Variants in ZBTB5 observed in about 807,000 individuals in gnomAD.
ZBTB5 encodes zinc finger and BTB domain containing 5, also known as zinc finger and BTB domain-containing protein 5.
A neutral mutation model predicts 37.9 loss-of-function variants in ZBTB5; 15 were observed. The observed-to-expected ratio is 0.40, with a 90% CI of 0.26 to 0.61. The LOEUF is 0.61. Ranked by LOEUF, ZBTB5 falls within the 20% of genes least tolerant of loss-of-function variation. The pLI is 0.47. For missense variants in ZBTB5, 708 were observed against 856.8 expected (o/e 0.83, Z 2.17); for synonymous variants, 315 against 312.4 (o/e 1.01, Z -0.09).
intron 1 of ZBTB5, among the ~76,000 whole-genome samples, chr9:37,444,612 T>C (rs1247596093): frequency 6.6e-6 from 1 of 152,160 alleles, no homozygotes; most frequent in Non-Finnish European, 1.5e-5. Flanking sequence ...TAGGCTGACA[T>C]CAGGAATAAA....
chr9:37,460,539 G>T (rs1414489094), intron 1 of ZBTB5, among the ~76,000 whole-genome samples: 2 of 152,106 alleles, frequency 1.3e-5, no homozygotes, highest in East Asian at 3.9e-4. Flanking sequence ...GGTTAACATA[G>T]CAAAACCTTT....
rs1823831373 is a variant in ZBTB5 at position 37,440,180 on chromosome 9, A to G, written c.*338T>C. ...AAGGTATAGGAAATTTAAATGCTAC[A>G]CAGTTTTACAAAAATTGCTAAAAAA... On this transcript the variant is annotated 3_prime_UTR_variant, in exon 2 of 2. Coordinates refer to ENST00000307750, the MANE Select transcript of ZBTB5 (RefSeq NM_014872.3). 6.5e-6 allele frequency: 2 copies of G among 306,602 alleles called. No homozygotes were observed. The highest frequency in any genetic ancestry group is 7.5e-5 in the South Asian group (2 of 26,690). The allele number at this position is 306,602 out of a possible 1,614,324, so 19.0% of individuals were successfully genotyped here.
chr9:37,455,649 A>G (rs1824173600), intron 1 of ZBTB5, among the ~76,000 whole-genome samples: 1 of 151,784 alleles, frequency 6.6e-6, no homozygotes, highest in Non-Finnish European at 1.5e-5. Flanking sequence ...AAAGGGTTTT[A>G]GCAGTGGTGG....
intron 1 of ZBTB5, among the ~76,000 whole-genome samples, chr9:37,443,541 C>T (rs973589503): frequency 9.2e-5 from 14 of 152,152 alleles, no homozygotes; most frequent in African/African-American, 3.4e-4. Flanking sequence ...TTCCCAAAGG[C>T]CAAGGAACTG....
intron 1 of ZBTB5, among the ~76,000 whole-genome samples, chr9:37,443,944 A>G (rs1823930144): frequency 6.6e-6 from 1 of 150,530 alleles, no homozygotes; most frequent in Admixed American, 6.6e-5. Flanking sequence ...TTAGCCGAGC[A>G]TGGTGGCGTG....
At chr9:37,443,697 G>C (rs1456131931) in intron 1 of ZBTB5, among the ~76,000 whole-genome samples, 1 of 152,236 alleles carries the variant, frequency 6.6e-6, no homozygotes, top group Non-Finnish European at 1.5e-5. Flanking sequence ...TTTGGAGGCT[G>C]AGGTGGGAGG....
chr9:37,449,287 A>G (rs984904973), intron 1 of ZBTB5, among the ~76,000 whole-genome samples: 1 of 152,224 alleles, frequency 6.6e-6, no homozygotes, highest in African/African-American at 2.4e-5. Flanking sequence ...GTATTGTTTT[A>G]TATTTTGGCA....
chr9:37,462,340 C>T (rs1167611971), intron 1 of ZBTB5, among the ~76,000 whole-genome samples: 3 of 152,064 alleles, frequency 2.0e-5, no homozygotes, highest in Admixed American at 6.6e-5. Flanking sequence ...GACAGGGGCA[C>T]ATCCCCAGTG....
chr9:37,461,514 G>A (rs1588785602), intron 1 of ZBTB5, among the ~76,000 whole-genome samples: 1 of 152,322 alleles, frequency 6.6e-6, no homozygotes, highest in Non-Finnish European at 1.5e-5. Context: ...GATCACCTGA[G>A]GTCAGGAGTT....
intron 1 of ZBTB5, among the ~76,000 whole-genome samples, chr9:37,458,358 T>G (rs1225131154): frequency 6.6e-6 from 1 of 152,268 alleles, no homozygotes; most frequent in Non-Finnish European, 1.5e-5. Flanking sequence ...TCCTCCTGCA[T>G]TCTGAAATAC....
At chr9:37,459,334 C>T (rs540969376) in intron 1 of ZBTB5, among the ~76,000 whole-genome samples, 49 of 152,084 alleles carry the variant, frequency 3.2e-4, no homozygotes, top group African/African-American at 1.1e-3. Context: ...GTGACACATG[C>T]CTGTAATCCC....
chr9:37,450,820 A>G (rs309445), intron 1 of ZBTB5, among the ~76,000 whole-genome samples: 129,793 of 151,084 alleles, frequency 0.86, 56,237 homozygotes, highest in East Asian at 0.92. Flanking sequence ...AGCCGAGATC[A>G]CACCACTGCA....
intron 1 of ZBTB5, among the ~76,000 whole-genome samples, chr9:37,462,972 G>GC (rs1824322245): frequency 6.6e-6 from 1 of 152,066 alleles, no homozygotes; most frequent in Non-Finnish European, 1.5e-5. Flanking sequence ...CCCCCTGCAT[G>GC]CCCTCTTCTC....
intron 1 of ZBTB5, among the ~76,000 whole-genome samples, chr9:37,449,106 C>T (rs1045817681): frequency 2.6e-5 from 4 of 152,066 alleles, no homozygotes; most frequent in Non-Finnish European, 4.4e-5. Context: ...ACAACTGGGC[C>T]GGGCACGGTG....
At chr9:37,458,996 T>G (rs1824239705) in intron 1 of ZBTB5, among the ~76,000 whole-genome samples, 1 of 152,244 alleles carries the variant, frequency 6.6e-6, no homozygotes, top group Admixed American at 6.5e-5. Context: ...CTGAAAAATC[T>G]ACTGAAATAA....
chr9:37,455,356 G>A (rs1301640148), intron 1 of ZBTB5, among the ~76,000 whole-genome samples: 1 of 152,072 alleles, frequency 6.6e-6, no homozygotes, highest in African/African-American at 2.4e-5. Context: ...ATCCCACTGA[G>A]AGCCACCTCC....
intron 1 of ZBTB5, among the ~76,000 whole-genome samples, chr9:37,446,260 T>C (rs1823976178): frequency 6.6e-6 from 1 of 152,224 alleles, no homozygotes; most frequent in African/African-American, 2.4e-5. Flanking sequence ...GAAGGCAGCA[T>C]GGGTGCCAAG....
At chr9:37,444,560 G>C (rs1393339807) in intron 1 of ZBTB5, among the ~76,000 whole-genome samples, 2 of 152,088 alleles carry the variant, frequency 1.3e-5, no homozygotes, top group Non-Finnish European at 2.9e-5. Flanking sequence ...GACTAAAAAG[G>C]CCCAACAAGT....
chr9:37,448,859 C>T (rs1283003236), intron 1 of ZBTB5, among the ~76,000 whole-genome samples: 1 of 152,150 alleles, frequency 6.6e-6, no homozygotes, highest in Non-Finnish European at 1.5e-5. Context: ...TCCTGGCCAA[C>T]ATGGTGAAAC....
Sources: allele counts gnomAD v4.1 joint callset (sites outside exome capture counted in the v4.1 genomes callset), GRCh38; gene constraint gnomAD v4.1.1; transcripts MANE v1.5; gene names NCBI Gene and HGNC (gene_info 2026-07-23, HGNC 2026-07-21).